Variants in SPMIP7 observed in about 807,000 individuals in gnomAD.
The protein encoded by SPMIP7 is sperm microtubule inner protein 7.
At chr7:50,124,586 GA>G in the SPMIP7 span, among the ~76,000 whole-genome samples, 1 of 151,970 alleles carries the variant, frequency 6.6e-6, no homozygotes, top group Non-Finnish European at 1.5e-5. Flanking sequence ...AGACATCTAG[GA>G]AAATATCAAA....
At chr7:50,149,903 C>T in the SPMIP7 span, among the ~76,000 whole-genome samples, 1 of 152,124 alleles carries the variant, frequency 6.6e-6, no homozygotes, top group East Asian at 1.9e-4. Flanking sequence ...CACCCAAGTC[C>T]TTCCGGTTGG....
At chr7:50,126,176 C>A in the SPMIP7 span, among the ~76,000 whole-genome samples, 1 of 151,754 alleles carries the variant, frequency 6.6e-6, no homozygotes, top group Non-Finnish European at 1.5e-5. Context: ...AAGTGATAGA[C>A]CTATTGTTAG....
the SPMIP7 span, among the ~76,000 whole-genome samples, chr7:50,132,912 A>G: frequency 3.3e-5 from 5 of 152,160 alleles, no homozygotes; most frequent in African/African-American, 2.4e-5. Flanking sequence ...GTCTTGAAAT[A>G]TAGTTATCTC....
the SPMIP7 span, among the ~76,000 whole-genome samples, chr7:50,145,612 G>C: frequency 2.7e-5 from 1 of 36,898 alleles, no homozygotes; most frequent in Non-Finnish European, 4.8e-5. Flanking sequence ...GTGTGTATAT[G>C]TGTGTGTATA....
At chr7:50,099,951 G>A in the SPMIP7 span, among the ~76,000 whole-genome samples, 81 of 152,122 alleles carry the variant, frequency 5.3e-4, 1 homozygote, top group Admixed American at 1.2e-3. Context: ...AGTTCTTTAG[G>A]CAACTACCGA....
chr7:50,145,356 T>A, the SPMIP7 span, among the ~76,000 whole-genome samples: 1 of 151,054 alleles, frequency 6.6e-6, no homozygotes, highest in Non-Finnish European at 1.5e-5. Context: ...GGTGAACAAG[T>A]TTGAAGATAA....
At chr7:50,098,758 C>T in the SPMIP7 span, among the ~76,000 whole-genome samples, 3 of 152,088 alleles carry the variant, frequency 2.0e-5, no homozygotes, top group South Asian at 6.2e-4. Flanking sequence ...CCTTATTTGC[C>T]TCATCTAAAG....
chr7:50,139,034 T>A, the SPMIP7 span, among the ~76,000 whole-genome samples: 28 of 152,286 alleles, frequency 1.8e-4, no homozygotes, highest in African/African-American at 6.7e-4. Flanking sequence ...ATCGTTTAAA[T>A]AAAAGATTGA....
At chr7:50,096,239 A>C in the SPMIP7 span, 8 of 1,551,676 alleles carry the variant, frequency 5.2e-6, no homozygotes, top group African/African-American at 9.6e-5. Context: ...GAACAGACAT[A>C]ACTATGGCAG....
At chr7:50,153,072 C>A in the SPMIP7 span, among the ~76,000 whole-genome samples, 3 of 152,284 alleles carry the variant, frequency 2.0e-5, no homozygotes, top group Admixed American at 2.0e-4. Context: ...AAGGTCCCAG[C>A]TTTTAGGAGC....
At chr7:50,158,883 C>G in the SPMIP7 span, among the ~76,000 whole-genome samples, 1 of 152,144 alleles carries the variant, frequency 6.6e-6, no homozygotes, top group Admixed American at 6.5e-5. Context: ...AGGTGCAATC[C>G]CTGCAGCTGA....
At chr7:50,101,105 G>T in the SPMIP7 span, among the ~76,000 whole-genome samples, 2 of 152,218 alleles carry the variant, frequency 1.3e-5, no homozygotes, top group East Asian at 1.9e-4. Flanking sequence ...CCCTGTTCCT[G>T]TGTGTGCCTG....
chr7:50,135,780 A>G, the SPMIP7 span, among the ~76,000 whole-genome samples: 1 of 152,216 alleles, frequency 6.6e-6, no homozygotes, highest in Non-Finnish European at 1.5e-5. Flanking sequence ...ACTACAGTGG[A>G]TCCAAGTCAG....
the SPMIP7 span, among the ~76,000 whole-genome samples, chr7:50,152,814 G>A: frequency 1.3e-5 from 2 of 152,024 alleles, no homozygotes; most frequent in Non-Finnish European, 2.9e-5. Flanking sequence ...AGCCTCCTGA[G>A]TAGCTGGAAT....
At chr7:50,104,058 T>C in the SPMIP7 span, among the ~76,000 whole-genome samples, 4 of 152,188 alleles carry the variant, frequency 2.6e-5, no homozygotes, top group African/African-American at 9.7e-5. Context: ...TACATAGATG[T>C]ATAGTACCAA....
At chr7:50,129,765 G>C in the SPMIP7 span, 1 of 1,548,904 alleles carries the variant, frequency 6.5e-7, no homozygotes, top group Non-Finnish European at 8.7e-7. Flanking sequence ...TAATGCAAAG[G>C]ACTCATTTTA....
chr7:50,139,179 T>A, the SPMIP7 span, among the ~76,000 whole-genome samples: 1 of 151,810 alleles, frequency 6.6e-6, no homozygotes, highest in Non-Finnish European at 1.5e-5. Context: ...TGAAACCCCG[T>A]CTCTACTAAA....
chr7:50,145,622 A>G, the SPMIP7 span, among the ~76,000 whole-genome samples: 474 of 58,310 alleles, frequency 8.1e-3, 16 homozygotes, highest in South Asian at 0.029. Context: ...GTGTGTGTAT[A>G]TATATATATA....
At chr7:50,154,780 C>T in the SPMIP7 span, among the ~76,000 whole-genome samples, 1 of 152,132 alleles carries the variant, frequency 6.6e-6, no homozygotes, top group Non-Finnish European at 1.5e-5. Context: ...TAGGAAACTC[C>T]ATACTGTTTT....
Sources: gnomAD v4.1 joint callset for allele counts (sites outside exome capture counted in the v4.1 genomes callset) on GRCh38, gnomAD v4.1.1 for gene constraint, MANE v1.5 for transcripts, NCBI Gene and HGNC (gene_info 2026-07-23, HGNC 2026-07-21) for gene names.